The following ATXN1 variants were observed in gnomAD, a reference collection of about 807,000 sequenced individuals.
ATXN1 encodes the protein ataxin-1.
In ATXN1, 8 loss-of-function variants were observed where a neutral mutation model predicts 56.4. The ratio of observed to expected loss-of-function variants is 0.14; its 90% CI spans 0.08 to 0.26. The LOEUF is 0.26. Among genes scored for constraint, ATXN1 ranks in the 10% least tolerant of loss-of-function variants. The pLI, the probability that ATXN1 is intolerant of heterozygous loss-of-function variation, is 1.00. For missense variants in ATXN1, 987 were observed against 1,106.5 expected (o/e 0.89, Z 1.53); for synonymous variants, 514 against 494.6 (o/e 1.04, Z -0.52).
chr6:16,324,739 A>C (rs997212238), intron 7 of ATXN1, among the ~76,000 whole-genome samples: 20 of 152,194 alleles, frequency 1.3e-4, no homozygotes, highest in Admixed American at 3.9e-4. Context: ...CATGTAATCG[A>C]TCTAAGAACC....
rs1421897957 is a variant in ATXN1, at chr6:16,301,107, G to C, written c.*5222C>G. On this transcript the variant is annotated 3_prime_UTR_variant, in exon 8 of 8. Coordinates refer to ENST00000436367, the MANE Select transcript of ATXN1 (RefSeq NM_001128164.2). ...CTGCTTTTTTTTTTTTACAAACAAA[G>C]TATGAAACTCATTGTTTCAACAGAG... is the stretch of plus-strand genomic sequence containing the variant. The C allele has an allele frequency of 7.2e-6, 1 of 137,966 alleles. No homozygotes were observed. Among genetic ancestry groups the C allele is most frequent in the African/African-American group, 2.7e-5 (1 of 37,238 alleles). The allele number at this position is 137,966 out of a possible 1,614,324, so 8.5% of individuals were successfully genotyped here.
At chr6:16,727,544 ATTAC>A (rs1380998840) in intron 2 of ATXN1, among the ~76,000 whole-genome samples, 1 of 152,156 alleles carries the variant, frequency 6.6e-6, no homozygotes, top group Non-Finnish European at 1.5e-5. Flanking sequence ...TGATCATCAA[ATTAC>A]TTAATGAATA....
intron 6 of ATXN1, among the ~76,000 whole-genome samples, chr6:16,427,666 C>A (rs906782268): frequency 5.9e-5 from 9 of 152,196 alleles, no homozygotes; most frequent in African/African-American, 2.2e-4. Flanking sequence ...CTGCCTCCAG[C>A]GTTTCAGGTG....
Position 16,326,244 on chromosome 6 carries a change from A to G in ATXN1, c.1917+150T>C, listed in dbSNP as rs1197880118. On this transcript the variant is annotated intron_variant, in intron 7 of 7. Transcript: ENST00000436367. The surrounding 1 kb of genome is among the most constrained non-coding windows in gnomAD (Gnocchi z 6.6). Reference sequence around the variant, plus strand: ...CGGGGAAATGGGGCTTATTTTTTCTAGAGAACGCAGTTGGGAAAGGCCGAG... The same window carrying G: ...CGGGGAAATGGGGCTTATTTTTTCTGGAGAACGCAGTTGGGAAAGGCCGAG... 1.4e-6 allele frequency: 2 copies of G among 1,404,806 alleles called. No homozygotes were observed. Among genetic ancestry groups the G allele is most frequent in the East Asian group, 2.5e-5 (1 of 40,048 alleles). 87.0% of individuals were successfully genotyped at this position (1,404,806 alleles called of 1,614,324 possible).
At chr6:16,382,205 C>T (rs1333748645) in intron 6 of ATXN1, among the ~76,000 whole-genome samples, 1 of 151,388 alleles carries the variant, frequency 6.6e-6, no homozygotes, top group African/African-American at 2.4e-5. Context: ...AATAGCCAGG[C>T]AGGAGAATGG....
At chr6:16,415,692 C>T (rs749634553) in intron 6 of ATXN1, among the ~76,000 whole-genome samples, 2 of 152,236 alleles carry the variant, frequency 1.3e-5, no homozygotes, top group African/African-American at 4.8e-5. Context: ...AGAGCTGGGA[C>T]ACCACAGGTA....
rs373491206 is a variant in ATXN1 at position 16,440,959 on chromosome 6, G to A, written c.-161+45013C>T. On this transcript the variant is annotated intron_variant, in intron 6 of 7. Transcript: ENST00000436367. ...CTGTGCAAGAGAAAGTTGGAGGAGA[G>A]GCAGTGGGCATCTGAAGGTTTTGGC... Among the ~76,000 whole-genome samples, 24 of 152,314 alleles carry A rather than the reference G, an allele frequency of 1.6e-4. No homozygotes were observed. In the South Asian group the frequency reaches 4.3e-3, roughly 28 times the overall value.
rs139019175 is a variant in ATXN1, at chr6:16,361,223, T to C, written c.-160-32753A>G. Among the ~76,000 whole-genome samples, 785 of 152,156 alleles carry C rather than the reference T, an allele frequency of 5.2e-3. 5 individuals are homozygous for C. Among genetic ancestry groups the C allele is most frequent in the African/African-American group, 0.017 (720 of 41,496 alleles). ...ATTAAATTCATAGCCAAAAGGGTAA[T>C]AGTGATTATTACAAAATTCAGGGGT... is the stretch of plus-strand genomic sequence containing the variant. On this transcript the variant is annotated intron_variant, in intron 6 of 7. Transcript: ENST00000436367.
Position 16,326,402 on chromosome 6 carries a change from G to C in ATXN1, c.1909C>G (p.Arg637Gly). The change falls in exon 7 of 8, where the codon CGA (arginine) becomes GGA (glycine). Residue 637 changes from arginine (R) to glycine (G), a missense_variant. Around this residue, in one of 3 missense-constraint regions of ATXN1, gnomAD observed 68 missense variants for 118.1 expected, o/e 0.58. Coordinates refer to ENST00000436367, the MANE Select transcript of ATXN1 (RefSeq NM_001128164.2). This position sits in a 1 kb window ranked among gnomAD's most constrained non-coding sequence, Gnocchi z 6.6. ...AVIQFAVGEH[R>G]AQVSVEVLVE... ...ACCCTGGCTAACGTTACCTGGGCTC[G>C]GTGCTCCCCGACGGCGAACTGTATC... is the stretch of plus-strand genomic sequence containing the variant. 6.2e-7 allele frequency: 1 copy of C among 1,613,148 alleles called. No individual in the cohort carries two copies.
chr6:16,449,230 T>C (rs914873334), intron 6 of ATXN1, among the ~76,000 whole-genome samples: 4 of 152,198 alleles, frequency 2.6e-5, no homozygotes, highest in Non-Finnish European at 5.9e-5. Flanking sequence ...GAGTGTATCA[T>C]GGACAATTAA....
intron 6 of ATXN1, among the ~76,000 whole-genome samples, chr6:16,405,437 C>A (rs986955806): frequency 6.6e-6 from 1 of 152,180 alleles, no homozygotes; most frequent in Admixed American, 6.5e-5. Flanking sequence ...CATTGCTTCC[C>A]CCAAGTCCAC....
At chr6:16,400,712 C>T (rs1758549199) in intron 6 of ATXN1, among the ~76,000 whole-genome samples, 1 of 152,188 alleles carries the variant, frequency 6.6e-6, no homozygotes, top group Non-Finnish European at 1.5e-5. Flanking sequence ...ATTAAGATTA[C>T]CATATTGTCC....
chr6:16,612,890 A>T (rs567198724), intron 3 of ATXN1, among the ~76,000 whole-genome samples: 1 of 132,288 alleles, frequency 7.6e-6, no homozygotes, highest in South Asian at 2.4e-4. Flanking sequence ...ACTCTGTCTT[A>T]AAAAAAAAAA....
At chr6:16,324,181 T>C (rs539076597) in intron 7 of ATXN1, among the ~76,000 whole-genome samples, 2 of 152,200 alleles carry the variant, frequency 1.3e-5, no homozygotes, top group Admixed American at 6.5e-5. Context: ...GGGACTCGTG[T>C]CTGTAATCTC....
chr6:16,738,859 G>A (rs924729111), intron 2 of ATXN1: 4 of 152,212 alleles, frequency 2.6e-5, no homozygotes, highest in Non-Finnish European at 5.9e-5. Flanking sequence ...AACAAGAACT[G>A]CTTTCTGTGG....
intron 3 of ATXN1, among the ~76,000 whole-genome samples, chr6:16,612,608 G>T (rs940777312): frequency 6.6e-6 from 1 of 152,010 alleles, no homozygotes; most frequent in African/African-American, 2.4e-5. Context: ...ATTAGAAAAG[G>T]GGGTGGGACA....
Position 16,657,338 on chromosome 6 carries a change from T to A in ATXN1, c.-489+438A>T, listed in dbSNP as rs1758227912. ...GTAATACGTGTGATCTGTCGTTGACTGAAACTTCATTATGTGGCACATGAC... is the reference window on the plus strand; with the variant it reads ...GTAATACGTGTGATCTGTCGTTGACAGAAACTTCATTATGTGGCACATGAC... On this transcript the variant is annotated intron_variant, in intron 3 of 7. Coordinates refer to ENST00000436367, the MANE Select transcript of ATXN1 (RefSeq NM_001128164.2). Among the ~76,000 whole-genome samples the A allele has an allele frequency of 2.0e-5, 3 of 152,222 alleles. No homozygotes were observed. In the South Asian group the frequency reaches 6.2e-4, roughly 31 times the overall value.
At chr6:16,584,287 T>G (rs1449481206) in intron 4 of ATXN1, among the ~76,000 whole-genome samples, 1 of 145,304 alleles carries the variant, frequency 6.9e-6, no homozygotes, top group African/African-American at 2.5e-5. Context: ...CACATATATA[T>G]ATATACACAC....
chr6:16,689,518 T>C lies in ATXN1; in HGVS notation c.-614-31617A>G, dbSNP rs552009451. On this transcript the variant is annotated intron_variant, in intron 2 of 7. Coordinates refer to ENST00000436367, the MANE Select transcript of ATXN1 (RefSeq NM_001128164.2). The stretch of plus-strand genomic sequence containing the variant: ...TTCCTTCCTTTTTTTTTCTTTTTTT[T>C]TTCTTTTTTTTTTTTTTGTAGAGAT... Among the ~76,000 whole-genome samples, 3 of 128,818 alleles carry C rather than the reference T, an allele frequency of 2.3e-5. No individual in the cohort carries two copies. The East Asian group carries it at 5.9e-4, about 25-fold the overall frequency. 84.5% of individuals were successfully genotyped at this position (128,818 alleles called of 152,430 possible). A position where few individuals can be genotyped will look rare whatever the true frequency, so the allele number is the denominator to read the frequency against.
Sources: gnomAD v4.1 joint callset for allele counts (sites outside exome capture counted in the v4.1 genomes callset) on GRCh38, gnomAD v4.1.1 for gene constraint, gnomAD v4.1.1 regional missense constraint, Gnocchi (gnomAD v3.1) non-coding constraint, MANE v1.5 for transcripts, NCBI Gene and HGNC (gene_info 2026-07-23, HGNC 2026-07-21) for gene names.